EPM2A: variants seen among roughly 807,000 people sequenced by gnomAD.
EPM2A encodes laforin.
Under a neutral mutation model 26.5 loss-of-function variants are expected in EPM2A, and 21 were observed. That is an observed-to-expected ratio of 0.79 (90% CI 0.56 to 1.14). EPM2A has a LOEUF of 1.14. Ranked by LOEUF, EPM2A falls within the 50% of genes most tolerant of loss-of-function variation. The pLI, the probability that EPM2A is intolerant of heterozygous loss-of-function variation, is 0.00. For synonymous variants in EPM2A, 217 were observed against 177.6 expected (o/e 1.22, Z -1.76); for missense variants, 458 against 440.8 (o/e 1.04, Z -0.35).
At chr6:145,680,865 T>C (rs1780475228) in intron 2 of EPM2A, among the ~76,000 whole-genome samples, 1 of 152,004 alleles carries the variant, frequency 6.6e-6, no homozygotes. Context: ...TGTGCATGTG[T>C]CTTTATAGCA....
intron 2 of EPM2A, among the ~76,000 whole-genome samples, chr6:145,588,016 A>T (rs1781220685): frequency 6.6e-6 from 1 of 152,212 alleles, no homozygotes; most frequent in Admixed American, 6.5e-5. Flanking sequence ...ATTATCTTTC[A>T]TTCTTTTGCA....
chr6:145,439,138 C>T (rs1017736025), intron 4 of EPM2A, among the ~76,000 whole-genome samples: 1 of 151,992 alleles, frequency 6.6e-6, no homozygotes, highest in East Asian at 1.9e-4. Context: ...GCAGAGAACA[C>T]GATCTCTTTC....
intron 4 of EPM2A, among the ~76,000 whole-genome samples, chr6:145,449,664 AT>A (rs982312655): frequency 2.9e-4 from 44 of 152,292 alleles, no homozygotes; most frequent in African/African-American, 1.0e-3. Context: ...TTGGTACAGA[AT>A]TTCCAGCTAG....
intron 4 of EPM2A, among the ~76,000 whole-genome samples, chr6:145,472,481 C>T (rs1053623457): frequency 1.3e-5 from 2 of 152,070 alleles, no homozygotes; most frequent in Non-Finnish European, 2.9e-5. Context: ...AATTCCAGGA[C>T]TTGACCTGTG....
chr6:145,656,825 C>A (rs1778328490), intron 2 of EPM2A, among the ~76,000 whole-genome samples: 2 of 152,142 alleles, frequency 1.3e-5, no homozygotes, highest in East Asian at 3.8e-4. Flanking sequence ...TCTTGATTTA[C>A]AAGACTCTTT....
intron 2 of EPM2A, among the ~76,000 whole-genome samples, chr6:145,506,562 T>G (rs1779976688): frequency 6.6e-6 from 1 of 151,724 alleles, no homozygotes; most frequent in Non-Finnish European, 1.5e-5. Flanking sequence ...AAATTAAATA[T>G]ATATTAATTT....
intron 4 of EPM2A, chr6:145,491,775 C>G (rs1779758632): frequency 1.9e-6 from 1 of 533,068 alleles, no homozygotes; most frequent in Admixed American, 1.9e-5. Context: ...AACTCTGCTG[C>G]TTTCCATACA....
intron 2 of EPM2A, among the ~76,000 whole-genome samples, chr6:145,669,429 T>C (rs1421043033): frequency 1.3e-5 from 2 of 152,210 alleles, no homozygotes; most frequent in African/African-American, 4.8e-5. Flanking sequence ...AACAAGTCAT[T>C]TGAAGCCAAT....
intron 4 of EPM2A, among the ~76,000 whole-genome samples, chr6:145,487,681 A>G (rs892558614): frequency 2.6e-5 from 4 of 151,644 alleles, no homozygotes. Flanking sequence ...TGTTTCTTGT[A>G]AATTTATTTA....
At chr6:145,558,999 G>T (rs1156778802) in intron 2 of EPM2A, among the ~76,000 whole-genome samples, 1 of 152,032 alleles carries the variant, frequency 6.6e-6, no homozygotes, top group African/African-American at 2.4e-5. Context: ...AGGAGAGATG[G>T]TCATTATTTC....
chr6:145,621,264 G>A (rs1272844250), downstream of EPM2A, among the ~76,000 whole-genome samples: 1 of 152,318 alleles, frequency 6.6e-6, no homozygotes, highest in Non-Finnish European at 1.5e-5. Flanking sequence ...TGTTGCAAAT[G>A]ATGAGATTTC....
At chr6:145,393,268 T>C (rs1383391130) in intron 4 of EPM2A, among the ~76,000 whole-genome samples, 3 of 152,220 alleles carry the variant, frequency 2.0e-5, no homozygotes, top group Middle Eastern at 3.4e-3. Flanking sequence ...GCAAAACTCA[T>C]GGCCCTACAC....
chr6:145,404,391 C>T (rs1241735661), intron 4 of EPM2A, among the ~76,000 whole-genome samples: 1 of 151,676 alleles, frequency 6.6e-6, no homozygotes, highest in Non-Finnish European at 1.5e-5. Context: ...TCTTTATATA[C>T]TCGTATTTAT....
At chr6:145,721,373 G>A (rs1775940274) in intron 1 of EPM2A, 1 of 152,182 alleles carries the variant, frequency 6.6e-6, no homozygotes, top group Admixed American at 6.5e-5. Context: ...GCCAGCATCA[G>A]AGCAAAAAAC....
At chr6:145,637,240 T>C (rs1412840225) in intron 2 of EPM2A, 2 of 152,248 alleles carry the variant, frequency 1.3e-5, no homozygotes, top group African/African-American at 4.8e-5. Context: ...ATATTCTTCA[T>C]TTGAATGCTA....
intron 2 of EPM2A, among the ~76,000 whole-genome samples, chr6:145,528,981 C>A (rs1049149595): frequency 6.6e-6 from 1 of 152,034 alleles, no homozygotes; most frequent in African/African-American, 2.4e-5. Flanking sequence ...GGATTCAAAT[C>A]GTCAGTGGAG....
At chr6:145,669,396 A>G (rs1489782049) in intron 2 of EPM2A, among the ~76,000 whole-genome samples, 3 of 152,192 alleles carry the variant, frequency 2.0e-5, no homozygotes, top group African/African-American at 7.2e-5. Flanking sequence ...CTGTTCCACA[A>G]AAGAGTGGAC....
At chr6:145,437,262 C>T (rs867017246) in intron 4 of EPM2A, among the ~76,000 whole-genome samples, 7 of 152,066 alleles carry the variant, frequency 4.6e-5, no homozygotes, top group Non-Finnish European at 1.0e-4. Flanking sequence ...GCTTACTTCC[C>T]CTTCGCCTTC....
intron 2 of EPM2A, among the ~76,000 whole-genome samples, chr6:145,554,118 T>C (rs895052040): frequency 6.6e-6 from 1 of 151,944 alleles, no homozygotes; most frequent in Non-Finnish European, 1.5e-5. Context: ...ACAAGAACTG[T>C]GCTGGCTGCT....
Sources: allele counts gnomAD v4.1 joint callset (sites outside exome capture counted in the v4.1 genomes callset), GRCh38; gene constraint gnomAD v4.1.1; transcripts MANE v1.5; gene names NCBI Gene and HGNC (gene_info 2026-07-23, HGNC 2026-07-21).